The following METAP1 variants were observed in gnomAD, a reference collection of about 807,000 sequenced individuals.
METAP1 encodes methionyl aminopeptidase 1.
In METAP1, 28 loss-of-function variants were observed where a neutral mutation model predicts 53.8. That is an observed-to-expected ratio of 0.52 (90% CI 0.39 to 0.71). METAP1 has a LOEUF of 0.71. METAP1 is among the 30% of genes least tolerant of loss of function. The probability of loss-of-function intolerance (pLI) is 0.00; values close to 1 mark genes in which losing one functional copy is unlikely to be tolerated. For synonymous variants in METAP1, 181 were observed against 165.7 expected (o/e 1.09, Z -0.71); for missense variants, 389 against 479.8 (o/e 0.81, Z 1.77).
intron 8 of METAP1, among the ~76,000 whole-genome samples, chr4:99,045,595 T>C (rs185844715): frequency 5.9e-5 from 9 of 152,250 alleles, no homozygotes; most frequent in Admixed American, 3.9e-4. Context: ...AGTGCAACTT[T>C]TATTCTATTT....
intron 1 of METAP1, among the ~76,000 whole-genome samples, chr4:99,019,899 G>C (rs1435215343): frequency 6.6e-6 from 1 of 152,144 alleles, no homozygotes; most frequent in Non-Finnish European, 1.5e-5. Context: ...AAAGTGCATA[G>C]GTCCCTCATC....
At chr4:98,996,974 CTG>C (rs1722663650) in intron 1 of METAP1, among the ~76,000 whole-genome samples, 1 of 152,188 alleles carries the variant, frequency 6.6e-6, no homozygotes, top group Non-Finnish European at 1.5e-5. Flanking sequence ...CAGTGTTACA[CTG>C]TACAGAGGGG....
chr4:99,048,505 G>A (rs1726439394), intron 8 of METAP1, among the ~76,000 whole-genome samples: 1 of 152,112 alleles, frequency 6.6e-6, no homozygotes, highest in African/African-American at 2.4e-5. Flanking sequence ...ATGTAGCTGG[G>A]ACTATAGGCA....
intron 1 of METAP1, among the ~76,000 whole-genome samples, chr4:99,011,294 G>A (rs200679019): frequency 7.9e-5 from 12 of 152,126 alleles, no homozygotes; most frequent in East Asian, 5.8e-4. Flanking sequence ...AGTTATGGGC[G>A]TCTTATATAT....
intron 7 of METAP1, among the ~76,000 whole-genome samples, chr4:99,044,823 A>G (rs1032618548): frequency 6.6e-6 from 1 of 152,224 alleles, no homozygotes; most frequent in South Asian, 2.1e-4. Context: ...TGAAAATGGT[A>G]TTTTGTAGCA....
chr4:99,041,026 G>T lies in METAP1; in HGVS notation c.433-17G>T. On this transcript the variant is annotated splice_polypyrimidine_tract_variant and intron_variant, in intron 5 of 10. Coordinates refer to ENST00000296411, the MANE Select transcript of METAP1 (RefSeq NM_015143.3). ...TTCTGTGTCTTTTTTAATGTATTGA[G>T]TGTTCCTTTTTTACAGCTTGCTAGA... 1 of 1,590,048 alleles carries T rather than the reference G, an allele frequency of 6.3e-7. No individual in the cohort carries two copies. The highest frequency in any genetic ancestry group is 8.6e-7 in the Non-Finnish European group (1 of 1,162,062).
intron 1 of METAP1, among the ~76,000 whole-genome samples, chr4:99,020,104 G>A (rs1458870793): frequency 3.3e-5 from 5 of 152,114 alleles, no homozygotes; most frequent in Non-Finnish European, 4.4e-5. Context: ...GGGTAATCAC[G>A]TTCCCAGGCC....
chr4:98,996,688 G>A (rs1049136427), intron 1 of METAP1, among the ~76,000 whole-genome samples: 1 of 152,192 alleles, frequency 6.6e-6, no homozygotes, highest in Non-Finnish European at 1.5e-5. Context: ...GTTGAATGGG[G>A]TCCAGACTGA....
chr4:99,022,744 C>A (rs1183335993), intron 1 of METAP1: 2 of 1,597,706 alleles, frequency 1.3e-6, no homozygotes, highest in Non-Finnish European at 8.6e-7. Context: ...TGTGGGTACC[C>A]ATAGGCGTGT....
chr4:99,016,633 A>T (rs1290987389), intron 1 of METAP1, among the ~76,000 whole-genome samples: 1 of 152,248 alleles, frequency 6.6e-6, no homozygotes. Flanking sequence ...GTCTACTATC[A>T]CTAATAGGTA....
intron 9 of METAP1, among the ~76,000 whole-genome samples, chr4:99,057,117 C>T (rs1275409735): frequency 1.3e-5 from 2 of 152,212 alleles, no homozygotes; most frequent in Non-Finnish European, 2.9e-5. Context: ...GATCCACCTG[C>T]CTCGGCTTCC....
At chr4:98,997,543 C>T (rs573234910) in intron 1 of METAP1, 1 of 154,536 alleles carries the variant, frequency 6.5e-6, no homozygotes, top group Non-Finnish European at 1.5e-5. Flanking sequence ...GACAGTTGTA[C>T]CATCTGAGTA....
At chr4:99,055,643 T>C (rs986854295) in intron 9 of METAP1, among the ~76,000 whole-genome samples, 1 of 152,326 alleles carries the variant, frequency 6.6e-6, no homozygotes, top group South Asian at 2.1e-4. Context: ...GAGAGATATG[T>C]TACATGTTGT....
At position 99,061,273 on chromosome 4, in the gene METAP1, C is replaced by T. The variant is rs534093387; in HGVS notation, c.1117C>T (p.Arg373Trp). The T allele has an allele frequency of 4.6e-5, 75 of 1,613,876 alleles. No individual in the cohort carries two copies. Among genetic ancestry groups the T allele is most frequent in the Non-Finnish European group, 6.1e-5 (72 of 1,179,832 alleles). The change falls in exon 11 of 11, where the codon CGG becomes TGG. Residue 373 changes from arginine to tryptophan, a missense_variant. Coordinates refer to ENST00000296411, the MANE Select transcript of METAP1 (RefSeq NM_015143.3). ...AGACACTGGCTGTGAAATCCTAACCCGGCGACTTGACAGTGCACGGCCTCA... is the reference window on the plus strand; with the variant it reads ...AGACACTGGCTGTGAAATCCTAACCTGGCGACTTGACAGTGCACGGCCTCA... ...VTDTGCEILT[R>W]RLDSARPHFM... is the part of the protein sequence containing the mutation.
intron 1 of METAP1, among the ~76,000 whole-genome samples, chr4:99,002,662 A>C (rs951365351): frequency 2.2e-4 from 33 of 152,266 alleles, no homozygotes; most frequent in African/African-American, 7.9e-4. Context: ...ATGCTTTGTA[A>C]GTTGTAAATA....
At chr4:99,004,846 C>T (rs564301303) in intron 1 of METAP1, among the ~76,000 whole-genome samples, 30 of 152,140 alleles carry the variant, frequency 2.0e-4, no homozygotes, top group African/African-American at 5.5e-4. Flanking sequence ...TTCATTGTAG[C>T]TCTGGTTCAT....
chr4:99,029,604 C>T (rs1724846101), intron 2 of METAP1, among the ~76,000 whole-genome samples: 1 of 152,128 alleles, frequency 6.6e-6, no homozygotes, highest in Non-Finnish European at 1.5e-5. Context: ...ATAGCATTGC[C>T]ATCCTGATGG....
chr4:99,047,162 G>A (rs1726328572), intron 8 of METAP1, among the ~76,000 whole-genome samples: 1 of 152,072 alleles, frequency 6.6e-6, no homozygotes, highest in Non-Finnish European at 1.5e-5. Context: ...TTGAAAAGCT[G>A]TTGAAATTAG....
At chr4:99,056,976 C>T (rs1278467595) in intron 9 of METAP1, among the ~76,000 whole-genome samples, 2 of 152,156 alleles carry the variant, frequency 1.3e-5, no homozygotes, top group East Asian at 3.9e-4. Context: ...CAGTGATTCC[C>T]TGCTTCAGCC....
Sources: gnomAD v4.1 joint callset for allele counts (sites outside exome capture counted in the v4.1 genomes callset) on GRCh38, gnomAD v4.1.1 for gene constraint, MANE v1.5 for transcripts, NCBI Gene and HGNC (gene_info 2026-07-23, HGNC 2026-07-21) for gene names.